ACVR1C: variants seen among roughly 807,000 people sequenced by gnomAD.
ACVR1C encodes activin receptor type-1C.
In ACVR1C, 23 loss-of-function variants were observed where a neutral mutation model predicts 57.9. That is an observed-to-expected ratio of 0.40 (90% CI 0.29 to 0.56). The LOEUF (loss-of-function observed/expected upper bound fraction) is 0.56. ACVR1C is among the 20% of genes least tolerant of loss of function. The probability of loss-of-function intolerance (pLI) is 0.50; values close to 1 mark genes in which losing one functional copy is unlikely to be tolerated. For missense variants in ACVR1C, 480 were observed against 607.9 expected (o/e 0.79, Z 2.21); for synonymous variants, 214 against 215.3 (o/e 0.99, Z 0.05).
At chr2:157,542,675 C>T in intron 6 of ACVR1C, 31 bp downstream of exon 6, 1 of 1,599,760 alleles carries the variant, frequency 6.3e-7, no homozygotes, top group Non-Finnish European at 8.5e-7. Context: ...ACTCTCACAT[C>T]TTACTATGCT....
At chr2:157,548,002 G>A (rs1365717686) in intron 4 of ACVR1C, among the ~76,000 whole-genome samples, 1 of 152,142 alleles carries the variant, frequency 6.6e-6, no homozygotes, top group Non-Finnish European at 1.5e-5. Context: ...TGTATAAGGT[G>A]TAAGGAAGGG....
At chr2:157,626,147 T>C (rs1365504382) in intron 1 of ACVR1C, among the ~76,000 whole-genome samples, 1 of 152,184 alleles carries the variant, frequency 6.6e-6, no homozygotes, top group African/African-American at 2.4e-5. Flanking sequence ...TTTAAATTTT[T>C]TGTAGAGATG....
At position 157,527,883 on chromosome 2, in the gene ACVR1C, T is replaced by C. The variant is rs530915364; in HGVS notation, c.*6035A>G. 8 of 152,180 alleles carry C rather than the reference T, an allele frequency of 5.3e-5. No homozygotes were observed. The highest frequency in any genetic ancestry group is 7.3e-5 in the Non-Finnish European group (5 of 68,028). 9.4% of individuals were successfully genotyped at this position (152,180 alleles called of 1,614,324 possible). A position where few individuals can be genotyped will look rare whatever the true frequency, so the allele number is the denominator to read the frequency against. On this transcript the variant is annotated 3_prime_UTR_variant, in exon 9 of 9. Coordinates refer to ENST00000243349, the MANE Select transcript of ACVR1C (RefSeq NM_145259.3). ...TCAGTAATTAGCTCCATGCATAGAA[T>C]GAAAACTGTATGGACGATATCAAAA...
At chr2:157,558,698 A>C (rs992755509) in intron 2 of ACVR1C, among the ~76,000 whole-genome samples, 1 of 152,216 alleles carries the variant, frequency 6.6e-6, no homozygotes, top group Non-Finnish European at 1.5e-5. Flanking sequence ...GCATATGAGG[A>C]GAAATTGGTC....
intron 2 of ACVR1C, among the ~76,000 whole-genome samples, chr2:157,584,938 A>G (rs763897523): frequency 6.6e-6 from 1 of 152,244 alleles, no homozygotes; most frequent in Non-Finnish European, 1.5e-5. Context: ...AGCAACATGA[A>G]TGAATCTCAA....
At position 157,531,699 on chromosome 2, in the gene ACVR1C, T is replaced by C. The variant is rs951151219; in HGVS notation, c.*2219A>G. 1.3e-5 allele frequency: 2 copies of C among 152,086 alleles called. No homozygotes were observed. The highest frequency in any genetic ancestry group is 2.9e-5 in the Non-Finnish European group (2 of 67,960). The allele number at this position is 152,086 out of a possible 1,614,324, so 9.4% of individuals were successfully genotyped here. A position where few individuals can be genotyped will look rare whatever the true frequency, so the allele number is the denominator to read the frequency against. On this transcript the variant is annotated 3_prime_UTR_variant, in exon 9 of 9. Transcript: ENST00000243349. Reference sequence around the variant, plus strand: ...GAACAAGCAAGATTACCCCTTCACATAGGCTCTTTTTAAAAATCACTTCAC... The same window carrying C: ...GAACAAGCAAGATTACCCCTTCACACAGGCTCTTTTTAAAAATCACTTCAC...
chr2:157,550,458 C>T, intron 3 of ACVR1C, 66 bp from the exon 4 acceptor site: 1 of 1,431,406 alleles, frequency 7.0e-7, no homozygotes, highest in South Asian at 1.2e-5. Context: ...TCAATAATCA[C>T]TGTTTTCAGA....
intron 2 of ACVR1C, among the ~76,000 whole-genome samples, chr2:157,566,612 A>T (rs1688389819): frequency 6.6e-6 from 1 of 152,048 alleles, no homozygotes; most frequent in Non-Finnish European, 1.5e-5. Context: ...ACGCACCTGG[A>T]AAATCGGGTC....
chr2:157,563,759 CA>C (rs1688296194), intron 2 of ACVR1C, among the ~76,000 whole-genome samples: 2 of 152,102 alleles, frequency 1.3e-5, no homozygotes, highest in South Asian at 4.1e-4. Flanking sequence ...GTACTGGTAC[CA>C]AAACAGACAT....
chr2:157,553,194 C>T (rs949217797), intron 3 of ACVR1C, among the ~76,000 whole-genome samples: 12 of 152,180 alleles, frequency 7.9e-5, no homozygotes, highest in African/African-American at 2.7e-4. Context: ...CTCCTCCAAT[C>T]CCCTCCCTAC....
chr2:157,590,506 G>A (rs927250015), intron 1 of ACVR1C, among the ~76,000 whole-genome samples: 4 of 151,686 alleles, frequency 2.6e-5, no homozygotes, highest in African/African-American at 9.7e-5. Flanking sequence ...ATCATTTCTA[G>A]AAACATTTTT....
At chr2:157,545,035 G>A (rs950675062) in intron 4 of ACVR1C, among the ~76,000 whole-genome samples, 6 of 152,052 alleles carry the variant, frequency 3.9e-5, no homozygotes, top group African/African-American at 1.2e-4. Context: ...TTTATGCAAA[G>A]TATTATTTCT....
chr2:157,541,291 T>C (rs1687621053), intron 6 of ACVR1C, 77 bp from the exon 7 acceptor site: 5 of 1,461,324 alleles, frequency 3.4e-6, no homozygotes, highest in South Asian at 2.8e-5. Flanking sequence ...TAAATTAAGA[T>C]AGCTTATGCC....
chr2:157,538,827 A>G, intron 7 of ACVR1C, 124 bp from the exon 8 acceptor site: 1 of 663,078 alleles, frequency 1.5e-6, no homozygotes, highest in Non-Finnish European at 2.2e-6. Context: ...AGTCAAGTTT[A>G]TTAAAATAAT....
intron 8 of ACVR1C, 97 bp from the exon 9 acceptor site, chr2:157,534,140 C>CT (rs879333768): frequency 0.045 from 37,535 of 834,826 alleles, 36 homozygotes; most frequent in African/African-American, 0.053. Flanking sequence ...TGATGCTAAG[C>CT]TTTTTTTTTT....
chr2:157,565,060 C>T (rs1688329830), intron 2 of ACVR1C, among the ~76,000 whole-genome samples: 1 of 151,976 alleles, frequency 6.6e-6, no homozygotes, highest in Admixed American at 6.6e-5. Flanking sequence ...AGCACCATGG[C>T]ACACGTATAC....
In ACVR1C at chr2:157,628,652, A is replaced by G. The variant is rs1228658505; in HGVS notation, c.-8T>C. The G allele has an allele frequency of 2.6e-6, 4 of 1,565,314 alleles. No individual in the cohort carries two copies. Among genetic ancestry groups the G allele is most frequent in the Non-Finnish European group, 3.5e-6 (4 of 1,157,466 alleles). ...GCAGAGCGCCCGGGTCATCGCCACC[A>G]GGCGGCCGCGCCGGGGCTGCGAGGC... On this transcript the variant is annotated 5_prime_UTR_variant, in exon 1 of 9. Transcript: ENST00000243349.
intron 1 of ACVR1C, among the ~76,000 whole-genome samples, chr2:157,603,141 A>C (rs539926175): frequency 1.3e-5 from 2 of 152,348 alleles, no homozygotes; most frequent in South Asian, 4.1e-4. Context: ...AGGCTAGCAT[A>C]CTTGAAAGCA....
Position 157,628,671 on chromosome 2 carries a change from G to T in ACVR1C, c.-27C>A. The T allele has an allele frequency of 6.5e-7, 1 of 1,542,356 alleles. No individual in the cohort carries two copies. Among genetic ancestry groups the T allele is most frequent in the Non-Finnish European group, 8.7e-7 (1 of 1,146,000 alleles). ...GCCACCAGGCGGCCGCGCCGGGGCT[G>T]CGAGGCCCCAGAGCAGAGCGAGGCA... On this transcript the variant is annotated 5_prime_UTR_variant, in exon 1 of 9. Coordinates refer to ENST00000243349, the MANE Select transcript of ACVR1C (RefSeq NM_145259.3).
Sources: gnomAD v4.1 joint callset for allele counts (sites outside exome capture counted in the v4.1 genomes callset) on GRCh38, gnomAD v4.1.1 for gene constraint, MANE v1.5 for transcripts, NCBI Gene and HGNC (gene_info 2026-07-23, HGNC 2026-07-21) for gene names.